Variants in CLIC4 observed in about 807,000 individuals in gnomAD.
CLIC4 encodes CLIC family member 4, also known as chloride intracellular channel protein 4.
Under a neutral mutation model 24.6 loss-of-function variants are expected in CLIC4, and 13 were observed. The observed-to-expected ratio is 0.53, with a 90% confidence interval of 0.34 to 0.84. The LOEUF (loss-of-function observed/expected upper bound fraction) is 0.84, where lower values mean the gene tolerates loss of function less well. Ranked by LOEUF, CLIC4 falls within the 40% of genes least tolerant of loss-of-function variation. The pLI is 0.01. For missense variants in CLIC4, 227 were observed against 301.7 expected (o/e 0.75, Z 1.83); for synonymous variants, 104 against 111.3 (o/e 0.93, Z 0.41).
At chr1:24,764,767 C>G (rs1360489685) in intron 1 of CLIC4, among the ~76,000 whole-genome samples, 2 of 152,030 alleles carry the variant, frequency 1.3e-5, no homozygotes, top group African/African-American at 4.8e-5. Context: ...ATCTTTCAAG[C>G]AAATTTGAGA....
intron 4 of CLIC4, among the ~76,000 whole-genome samples, chr1:24,839,643 T>G (rs1244608549): frequency 6.6e-6 from 1 of 152,210 alleles, no homozygotes; most frequent in Admixed American, 6.5e-5. Flanking sequence ...GACATTATTA[T>G]GCTTATTTAT....
At chr1:24,788,924 A>T (rs376482092) in intron 1 of CLIC4, among the ~76,000 whole-genome samples, 38 of 152,304 alleles carry the variant, frequency 2.5e-4, no homozygotes, top group African/African-American at 8.7e-4. Context: ...CTCTACTATA[A>T]ACACCACAGA....
intron 4 of CLIC4, among the ~76,000 whole-genome samples, chr1:24,835,580 A>T (rs1026024099): frequency 6.6e-6 from 1 of 152,200 alleles, no homozygotes; most frequent in Non-Finnish European, 1.5e-5. Context: ...AAATAAATAA[A>T]TAAATTTTAA....
chr1:24,797,566 A>AG lies in CLIC4; in HGVS notation c.73-176_73-175insG, dbSNP rs1639418724. Among the ~76,000 whole-genome samples the AG allele has an allele frequency of 2.0e-5, 3 of 151,288 alleles. No individual in the cohort carries two copies. The South Asian group carries it at 6.3e-4, about 32-fold the overall frequency. On this transcript the variant is annotated intron_variant, in intron 1 of 5. Transcript: ENST00000374379. Reference sequence around the variant, plus strand: ...GGAGACCCTGTCTCAAAAAAAGAAAAAAAAAAAAAAAGGCTAATGAAAGAA... The same window carrying AG: ...GGAGACCCTGTCTCAAAAAAAGAAAAGAAAAAAAAAAAGGCTAATGAAAGAA...
intron 1 of CLIC4, among the ~76,000 whole-genome samples, chr1:24,776,333 G>A (rs538508716): frequency 6.6e-6 from 1 of 152,278 alleles, no homozygotes; most frequent in East Asian, 1.9e-4. Flanking sequence ...AAAACTTGGG[G>A]AAACTTGTCC....
At chr1:24,764,354 C>G (rs1407872015) in intron 1 of CLIC4, among the ~76,000 whole-genome samples, 4 of 151,708 alleles carry the variant, frequency 2.6e-5, no homozygotes, top group Non-Finnish European at 5.9e-5. Context: ...CCTGCCTTGG[C>G]CTCCCGAAGT....
At chr1:24,837,544 G>C (rs971623140) in intron 4 of CLIC4, among the ~76,000 whole-genome samples, 1 of 152,134 alleles carries the variant, frequency 6.6e-6, no homozygotes, top group African/African-American at 2.4e-5. Flanking sequence ...TGCTTTTTGA[G>C]GGCAGGGAGC....
rs554302929 is a variant in CLIC4 at position 24,841,518 on chromosome 1, G to C, written c.*581G>C. On this transcript the variant is annotated 3_prime_UTR_variant, in exon 6 of 6. Transcript: ENST00000374379. ...AGAGCTTTCTACAAAAGTCACTACAGATTTTGCTATATTGCTTTGTAGATA... is the reference window on the plus strand; with the variant it reads ...AGAGCTTTCTACAAAAGTCACTACACATTTTGCTATATTGCTTTGTAGATA... 1.3e-5 allele frequency: 2 copies of C among 152,298 alleles called. No individual in the cohort carries two copies. Among genetic ancestry groups the C allele is most frequent in the South Asian group, 4.1e-4 (2 of 4,824 alleles). 9.4% of individuals were successfully genotyped at this position (152,298 alleles called of 1,614,324 possible).
At chr1:24,830,350 C>A (rs1639827645) in intron 4 of CLIC4, among the ~76,000 whole-genome samples, 1 of 151,982 alleles carries the variant, frequency 6.6e-6, no homozygotes, top group African/African-American at 2.4e-5. Flanking sequence ...GCTTCTATAT[C>A]AAAATATAGA....
intron 2 of CLIC4, among the ~76,000 whole-genome samples, chr1:24,810,229 T>G (rs1280665087): frequency 6.6e-6 from 1 of 152,252 alleles, no homozygotes; most frequent in Non-Finnish European, 1.5e-5. Context: ...AAAATATCTT[T>G]TTATTTTTGG....
chr1:24,751,252 C>T (rs1028754344), intron 1 of CLIC4, among the ~76,000 whole-genome samples: 3 of 142,504 alleles, frequency 2.1e-5, no homozygotes, highest in Admixed American at 7.5e-5. Context: ...CACTGTTACC[C>T]GGGCTGGAGT....
At chr1:24,778,211 T>C (rs556469275) in intron 1 of CLIC4, among the ~76,000 whole-genome samples, 27 of 152,112 alleles carry the variant, frequency 1.8e-4, no homozygotes, top group Non-Finnish European at 3.7e-4. Flanking sequence ...GACCTTGGAG[T>C]TTAAACCTCA....
intron 1 of CLIC4, among the ~76,000 whole-genome samples, chr1:24,769,769 A>G (rs539174296): frequency 6.6e-6 from 1 of 152,052 alleles, no homozygotes; most frequent in African/African-American, 2.4e-5. Flanking sequence ...CCATTACCTC[A>G]CCTCGTTGCA....
intron 2 of CLIC4, among the ~76,000 whole-genome samples, chr1:24,805,807 T>G (rs544433518): frequency 6.6e-6 from 1 of 152,318 alleles, no homozygotes; most frequent in African/African-American, 2.4e-5. Context: ...AACTACATTT[T>G]AATAGAAATT....
At chr1:24,799,220 T>G (rs4256766) in intron 2 of CLIC4, among the ~76,000 whole-genome samples, 2 of 147,478 alleles carry the variant, frequency 1.4e-5, no homozygotes, top group Admixed American at 6.7e-5. Flanking sequence ...TCTTCCCGGC[T>G]GCCATCACAT....
intron 1 of CLIC4, among the ~76,000 whole-genome samples, chr1:24,760,066 C>A (rs1188389464): frequency 1.3e-5 from 2 of 152,048 alleles, no homozygotes; most frequent in Non-Finnish European, 2.9e-5. Flanking sequence ...ATACTTCTTG[C>A]CTCAAATTTT....
chr1:24,821,544 GTTTTGTTCTGT>G (rs952310230), intron 3 of CLIC4, among the ~76,000 whole-genome samples: 6 of 151,812 alleles, frequency 4.0e-5, no homozygotes, highest in African/African-American at 1.5e-4. Flanking sequence ...TTTTTTCTTT[GTTTTGTTCTGT>G]TTTTGTTTAG....
intron 1 of CLIC4, among the ~76,000 whole-genome samples, chr1:24,754,440 C>G (rs528298321): frequency 5.6e-4 from 85 of 152,158 alleles, no homozygotes; most frequent in African/African-American, 2.0e-3. Context: ...TTCTGATGTC[C>G]CCTGAGTAGG....
chr1:24,780,897 G>C (rs191441443), intron 1 of CLIC4, among the ~76,000 whole-genome samples: 8 of 151,782 alleles, frequency 5.3e-5, no homozygotes, highest in African/African-American at 1.9e-4. Context: ...AGAACAACCT[G>C]ACCAACATGG....
Sources: allele counts gnomAD v4.1 joint callset (sites outside exome capture counted in the v4.1 genomes callset), GRCh38; gene constraint gnomAD v4.1.1; transcripts MANE v1.5; gene names NCBI Gene and HGNC (gene_info 2026-07-23, HGNC 2026-07-21).